Variants in TBC1D2B observed in about 807,000 individuals in gnomAD.
The protein encoded by TBC1D2B is TBC1 domain family, member 2B.
In TBC1D2B, 64 loss-of-function variants were observed where a neutral mutation model predicts 100.8. The ratio of observed to expected loss-of-function variants is 0.64; its 90% CI spans 0.52 to 0.78. The LOEUF is 0.78. TBC1D2B is among the 30% of genes least tolerant of loss of function. The pLI, the probability that TBC1D2B is intolerant of heterozygous loss-of-function variation, is 0.00. For synonymous variants in TBC1D2B, 480 were observed against 479.7 expected, an observed-to-expected ratio of 1.00 and a Z score of -0.01; for missense variants, 1,052 against 1,218.4, an observed-to-expected ratio of 0.86 and a Z score of 2.03.
At chr15:78,000,262 G>A (rs1246861339) in intron 12 of TBC1D2B, among the ~76,000 whole-genome samples, 2 of 152,242 alleles carry the variant, frequency 1.3e-5, no homozygotes, top group African/African-American at 4.8e-5. Context: ...CAGTGTGGGA[G>A]GGGCCAGGTT....
intron 3 of TBC1D2B, chr15:78,034,768 C>A (rs2072907412): frequency 1.0e-6 from 1 of 983,762 alleles, no homozygotes; most frequent in South Asian, 4.7e-5. Context: ...GAATCAGGCT[C>A]AAAGTGAAAG....
rs1193154349 is a variant in TBC1D2B at position 78,040,390 on chromosome 15, G to A, written c.683+4510C>T. Among the ~76,000 whole-genome samples the A allele has an allele frequency of 5.9e-5, 9 of 152,012 alleles. No homozygotes were observed. In the East Asian group the frequency reaches 1.7e-3, roughly 29 times the overall value. On this transcript the variant is annotated intron_variant, in intron 3 of 12. Transcript: ENST00000300584. ...TACACACCAGCCAAAGCCTCTTCTT[G>A]GAATCTGGGGATACTGGGCATGGTG... is the stretch of plus-strand genomic sequence containing the variant.
intron 1 of TBC1D2B, among the ~76,000 whole-genome samples, chr15:78,068,457 C>T (rs965342903): frequency 1.3e-4 from 20 of 150,880 alleles, no homozygotes; most frequent in Non-Finnish European, 2.5e-4. Flanking sequence ...ATTTAGCCAA[C>T]AAGCATCTAA....
At position 78,017,912 on chromosome 15, in the gene TBC1D2B, CCTT is replaced by C; in HGVS notation, c.1513_1515del (p.Lys505del). On this transcript the variant is annotated inframe_deletion, in exon 7 of 13. Transcript: ENST00000300584. ...CGTAGAGCTGAGAGTTCCAAAATCT[CCTT>C]ATTTAGAAATTTGTTTTGGGTTTTG... is the stretch of plus-strand genomic sequence containing the variant. The C allele has an allele frequency of 6.2e-7, 1 of 1,610,906 alleles. No individual in the cohort carries two copies. The highest frequency in any genetic ancestry group is 8.5e-7 in the Non-Finnish European group (1 of 1,178,458).
chr15:78,066,938 G>C (rs1024852684), intron 1 of TBC1D2B, among the ~76,000 whole-genome samples: 3 of 152,168 alleles, frequency 2.0e-5, no homozygotes, highest in African/African-American at 7.2e-5. Flanking sequence ...TATAACCTAT[G>C]CTGTTAATTT....
At chr15:78,005,052 C>T (rs988836793) in intron 10 of TBC1D2B, among the ~76,000 whole-genome samples, 3 of 152,228 alleles carry the variant, frequency 2.0e-5, no homozygotes, top group African/African-American at 7.2e-5. Context: ...GAGTATCCAG[C>T]TGCAGACGTC....
chr15:78,076,214 C>T (rs901363912), intron 1 of TBC1D2B, among the ~76,000 whole-genome samples: 8 of 152,220 alleles, frequency 5.3e-5, no homozygotes, highest in African/African-American at 1.9e-4. Context: ...TGACTCTACT[C>T]TCCTGCTTCT....
chr15:78,077,278 G>A lies in TBC1D2B; in HGVS notation c.360+15C>T, dbSNP rs1421482575. 2.0e-5 allele frequency: 29 copies of A among 1,454,262 alleles called. No individual in the cohort carries two copies. The highest frequency in any genetic ancestry group is 2.4e-4 in the Middle Eastern group (1 of 4,088). The allele number at this position is 1,454,262 out of a possible 1,614,324, so 90.1% of individuals were successfully genotyped here. A position where few individuals can be genotyped will look rare whatever the true frequency, so the allele number is the denominator to read the frequency against. On this transcript the variant is annotated intron_variant, in intron 1 of 12. Coordinates refer to ENST00000300584, the MANE Select transcript of TBC1D2B (RefSeq NM_144572.2). ...GGCGGAAGCGCGCGGGCGGCTTTGG[G>A]GCGAGCGGTCCCACCTTGAGCACCG...
At position 78,013,142 on chromosome 15, in the gene TBC1D2B, A is replaced by G; in HGVS notation, c.1951T>C (p.Cys651Arg). The G allele has an allele frequency of 6.2e-7, 1 of 1,614,018 alleles. No individual in the cohort carries two copies. Among genetic ancestry groups the G allele is most frequent in the Non-Finnish European group, 8.5e-7 (1 of 1,179,890 alleles). The change falls in exon 9 of 13, where the codon TGC becomes CGC. Residue 651 changes from cysteine (C) to arginine (R), a missense_variant. This residue lies in a region of TBC1D2B where 373 missense variants were observed against 464.9 expected (regional missense o/e 0.80). Transcript: ENST00000300584. ...FASTVNREMM[C>R]SPELKNLIRA... Reference sequence around the variant, plus strand: ...ATGAGGTTTTTTAACTCTGGAGAGCACATCATCTCCCTGTTCACTGTACTT... The same window carrying G: ...ATGAGGTTTTTTAACTCTGGAGAGCGCATCATCTCCCTGTTCACTGTACTT...
rs187446044 is a variant in TBC1D2B, at chr15:78,033,830, T to C, written c.684-3660A>G. On this transcript the variant is annotated intron_variant, in intron 3 of 12. Transcript: ENST00000300584. ...CATGTAAAACAGTCATTTCTCAATG[T>C]GTTTTTTAAAGCATATCATTTTTCC... 1.2e-3 allele frequency among the ~76,000 whole-genome samples: 177 copies of C among 152,364 alleles called. 1 individual carries two copies. Among genetic ancestry groups the C allele is most frequent in the African/African-American group, 3.8e-3 (156 of 41,578 alleles).
Position 78,069,153 on chromosome 15 carries a change from G to A in TBC1D2B, c.360+8140C>T, listed in dbSNP as rs374535278. ...CCCCCTCAGACGTGAGGTGGGAGCT[G>A]GTACATCTGAATACTCCTTCCATTT... On this transcript the variant is annotated intron_variant, in intron 1 of 12. Coordinates refer to ENST00000300584, the MANE Select transcript of TBC1D2B (RefSeq NM_144572.2). Among the ~76,000 whole-genome samples the A allele has an allele frequency of 2.3e-4, 35 of 152,284 alleles. No individual in the cohort carries two copies. In the East Asian group the frequency reaches 2.7e-3, roughly 12 times the overall value.
At chr15:78,016,467 T>G in intron 8 of TBC1D2B, 79 bp downstream of exon 8, 1 of 1,375,504 alleles carries the variant, frequency 7.3e-7, no homozygotes. Context: ...TGTACGGCTC[T>G]CTGCGAATGG....
At chr15:78,007,285 G>A (rs2072093006) in intron 10 of TBC1D2B, among the ~76,000 whole-genome samples, 1 of 152,220 alleles carries the variant, frequency 6.6e-6, no homozygotes, top group South Asian at 2.1e-4. Context: ...GAATACCTGA[G>A]TGAGACAGAG....
rs146332096 is a variant in TBC1D2B, at chr15:78,031,372, G to C, written c.684-1202C>G. Reference sequence around the variant, plus strand: ...AGTTTAAGACCAGCCTGGCCAACATGGCGAAACTCTGTCTCTACTAAAAAC... The same window carrying C: ...AGTTTAAGACCAGCCTGGCCAACATCGCGAAACTCTGTCTCTACTAAAAAC... On this transcript the variant is annotated intron_variant, in intron 3 of 12. Coordinates refer to ENST00000300584, the MANE Select transcript of TBC1D2B (RefSeq NM_144572.2). 2.0e-3 allele frequency among the ~76,000 whole-genome samples: 301 copies of C among 152,084 alleles called. 1 individual carries two copies. Among genetic ancestry groups the C allele is most frequent in the African/African-American group, 7.0e-3 (292 of 41,488 alleles).
chr15:78,030,265 A>C, intron 3 of TBC1D2B, 95 bp from the exon 4 acceptor site: 1 of 1,025,658 alleles, frequency 9.7e-7, no homozygotes. Flanking sequence ...TAAATATCTA[A>C]TGATACCAAA....
At chr15:78,007,979 G>A (rs2072111438) in intron 10 of TBC1D2B, among the ~76,000 whole-genome samples, 1 of 152,244 alleles carries the variant, frequency 6.6e-6, no homozygotes. Flanking sequence ...CAGGAGAAGG[G>A]CAAGGAGAGG....
chr15:78,002,518 A>G (rs1011268562), intron 11 of TBC1D2B: 1 of 149,210 alleles, frequency 6.7e-6, no homozygotes, highest in African/African-American at 2.5e-5. Flanking sequence ...TTTGGGGTAC[A>G]TTAGAGGTTA....
In TBC1D2B at chr15:78,024,529, C is replaced by A. The variant is rs201555902; in HGVS notation, c.1097G>T (p.Arg366Leu). The change falls in exon 6 of 13, where the codon CGA (arginine) becomes CTA (leucine). Residue 366 changes from arginine to leucine, a missense_variant. Physicochemically the swap from Arg to Leu is moderately radical, Grantham distance 102. Around this residue, in one of 4 missense-constraint regions of TBC1D2B, gnomAD observed 627 missense variants for 646.1 expected, o/e 0.97. Coordinates refer to ENST00000300584, the MANE Select transcript of TBC1D2B (RefSeq NM_144572.2). ...KDLSSQKELV[R>L]LLQQTVRSSQ... is the part of the protein sequence containing the mutation. Reference sequence around the variant, plus strand: ...TGACCGGACTGTCTGCTGGAGCAGTCGAACAAGCTCCTGGGAGCCAAAAGG... The same window carrying A: ...TGACCGGACTGTCTGCTGGAGCAGTAGAACAAGCTCCTGGGAGCCAAAAGG... The A allele has an allele frequency of 1.2e-4, 193 of 1,608,296 alleles. No homozygotes were observed. The highest frequency in any genetic ancestry group is 5.0e-4 in the Middle Eastern group (3 of 6,046).
chr15:78,033,659 T>TATA (rs1056630229), intron 3 of TBC1D2B, among the ~76,000 whole-genome samples: 2 of 152,212 alleles, frequency 1.3e-5, no homozygotes, highest in African/African-American at 4.8e-5. Flanking sequence ...GGAGGTAAAT[T>TATA]ATAACTCAAT....
Sources: gnomAD v4.1 joint callset for allele counts (sites outside exome capture counted in the v4.1 genomes callset) on GRCh38, gnomAD v4.1.1 for gene constraint, gnomAD v4.1.1 regional missense constraint, MANE v1.5 for transcripts, NCBI Gene and HGNC (gene_info 2026-07-23, HGNC 2026-07-21) for gene names.